Variants in ZNF679 observed in about 807,000 individuals in gnomAD.
ZNF679 encodes the protein zinc finger protein 679.
A neutral mutation model predicts 13.4 loss-of-function variants in ZNF679; 10 were observed. The ratio of observed to expected loss-of-function variants is 0.75; its 90% CI spans 0.46 to 1.27. The LOEUF is 1.27. ZNF679 is among the 50% of genes most tolerant of loss of function. ZNF679 has a pLI of 0.00. For missense variants in ZNF679, 525 were observed against 477.8 expected, an observed-to-expected ratio of 1.10 and a Z score of -0.92; for synonymous variants, 179 against 162.5, an observed-to-expected ratio of 1.10 and a Z score of -0.77.
chr7:64,265,949 T>G lies in ZNF679; in HGVS notation c.316T>G (p.Ser106Ala). ...TCCGCCAGAGCTAGGCATAAAAGAT[T>G]CACTCCAAAAAGTAATACCAAGAAG... ...DLPPELGIKD[S>A]LQKVIPRRYG... The change falls in exon 5 of 5, where the codon TCA (serine) becomes GCA (alanine). Residue 106 changes from serine to alanine, a missense_variant. Coordinates refer to ENST00000421025, the MANE Select transcript of ZNF679 (RefSeq NM_153363.3). 6.2e-7 allele frequency: 1 copy of G among 1,613,878 alleles called. No homozygotes were observed. The highest frequency in any genetic ancestry group is 8.5e-7 in the Non-Finnish European group (1 of 1,179,868).
chr7:64,251,196 A>G (rs1309460157), intron 2 of ZNF679, among the ~76,000 whole-genome samples: 1 of 152,146 alleles, frequency 6.6e-6, no homozygotes, highest in Non-Finnish European at 1.5e-5. Flanking sequence ...GCTCACAACT[A>G]TAATCCTAAC....
chr7:64,254,829 A>G (rs185964047), intron 2 of ZNF679, among the ~76,000 whole-genome samples: 74 of 152,000 alleles, frequency 4.9e-4, no homozygotes, highest in African/African-American at 1.7e-3. Flanking sequence ...GTGAAATCCC[A>G]TCTCTACCAA....
At chr7:64,246,270 G>T (rs947452352) in intron 1 of ZNF679, among the ~76,000 whole-genome samples, 2 of 152,088 alleles carry the variant, frequency 1.3e-5, no homozygotes, top group Non-Finnish European at 2.9e-5. Context: ...CTTTACCCAG[G>T]TGTGCCATCA....
chr7:64,236,918 GAAAGAAGAAAGAAAGA>G (rs1161230986), intron 1 of ZNF679, among the ~76,000 whole-genome samples: 1 of 99,204 alleles, frequency 1.0e-5, no homozygotes, highest in Non-Finnish European at 2.0e-5. Context: ...AAGAAAGAAA[GAAAGAAGAAAGAAAGA>G]AAGAAAGAAA....
At chr7:64,265,329 G>C (rs1404042739) in intron 4 of ZNF679, among the ~76,000 whole-genome samples, 3 of 152,022 alleles carry the variant, frequency 2.0e-5, no homozygotes, top group African/African-American at 7.2e-5. Flanking sequence ...TCCATTAAAA[G>C]ACTTCTCCAT....
chr7:64,262,320 A>C (rs1373239727), intron 4 of ZNF679, among the ~76,000 whole-genome samples: 1 of 152,194 alleles, frequency 6.6e-6, no homozygotes, highest in Non-Finnish European at 1.5e-5. Flanking sequence ...GATTACAGAA[A>C]TTTTGAAGTT....
intron 4 of ZNF679, among the ~76,000 whole-genome samples, chr7:64,265,432 CAA>C (rs1046162951): frequency 3.3e-5 from 5 of 152,166 alleles, no homozygotes; most frequent in African/African-American, 1.2e-4. Context: ...CCTTTGATCT[CAA>C]AAGACTTAAA....
intron 1 of ZNF679, among the ~76,000 whole-genome samples, chr7:64,238,435 T>C (rs555422800): frequency 6.6e-6 from 1 of 152,304 alleles, no homozygotes; most frequent in Non-Finnish European, 1.5e-5. Context: ...CACTCCAGGC[T>C]GGAGTGCAGT....
At chr7:64,245,763 T>G (rs1233694589) in intron 1 of ZNF679, among the ~76,000 whole-genome samples, 1 of 152,082 alleles carries the variant, frequency 6.6e-6, no homozygotes, top group Non-Finnish European at 1.5e-5. Flanking sequence ...TTCCAGTACC[T>G]CGGGAGGCCG....
rs568883962 is a variant in ZNF679 at position 64,254,055 on chromosome 7, T to C, written c.39+4899T>C. ...ATCTAAGTCATAATGGGGAGAACGT[T>C]TCTTTCTGTTAAGCTGTTGCTGAAG... On this transcript the variant is annotated intron_variant, in intron 2 of 4. Coordinates refer to ENST00000421025, the MANE Select transcript of ZNF679 (RefSeq NM_153363.3). Among the ~76,000 whole-genome samples the C allele has an allele frequency of 2.6e-5, 4 of 152,276 alleles. No homozygotes were observed. In the East Asian group the frequency reaches 5.8e-4, roughly 22 times the overall value.
At chr7:64,263,561 C>T (rs1432687142) in intron 4 of ZNF679, among the ~76,000 whole-genome samples, 1 of 152,090 alleles carries the variant, frequency 6.6e-6, no homozygotes, top group Non-Finnish European at 1.5e-5. Context: ...GTGTTTGCAT[C>T]GTGGAGACAA....
chr7:64,266,566 CACTT>C lies in ZNF679; in HGVS notation c.936_939del (p.Tyr313ThrfsTer31), dbSNP rs749915755. ...AAGCCTTTAGCTTATCCTCATCCCT[CACTT>C]ACCACAAGAGAATTCATACTGGAGA... On this transcript the variant is annotated frameshift_variant, in exon 5 of 5. Transcript: ENST00000421025. LOFTEE classifies it low-confidence loss of function (END_TRUNC). 4.4e-6 allele frequency: 7 copies of C among 1,609,082 alleles called. No individual in the cohort carries two copies. Among genetic ancestry groups the C allele is most frequent in the Middle Eastern group, 1.7e-4 (1 of 6,034 alleles).
intron 2 of ZNF679, among the ~76,000 whole-genome samples, chr7:64,249,372 C>G (rs561588019): frequency 1.4e-4 from 21 of 152,146 alleles, no homozygotes; most frequent in Non-Finnish European, 2.9e-4. Flanking sequence ...TTTGCAGTGG[C>G]TTTGCCCTGG....
intron 4 of ZNF679, among the ~76,000 whole-genome samples, chr7:64,262,678 G>A (rs978544858): frequency 5.3e-5 from 8 of 151,984 alleles, no homozygotes; most frequent in African/African-American, 1.9e-4. Context: ...GTCCTTATTT[G>A]TCTTTGTGTG....
At chr7:64,241,121 G>T (rs1437099745) in intron 1 of ZNF679, among the ~76,000 whole-genome samples, 1 of 152,168 alleles carries the variant, frequency 6.6e-6, no homozygotes, top group African/African-American at 2.4e-5. Flanking sequence ...TTCCCTGTGT[G>T]CTGGGCTCTA....
intron 4 of ZNF679, among the ~76,000 whole-genome samples, chr7:64,263,622 C>A (rs962969991): frequency 6.6e-6 from 1 of 152,020 alleles, no homozygotes; most frequent in Non-Finnish European, 1.5e-5. Context: ...TAGAGTTCTC[C>A]CTCTATTAAT....
chr7:64,265,060 T>C (rs936555710), intron 4 of ZNF679, among the ~76,000 whole-genome samples: 1 of 152,076 alleles, frequency 6.6e-6, no homozygotes, highest in African/African-American at 2.4e-5. Context: ...TTAAAATTAA[T>C]ATATGCCTCT....
rs148786982 is a variant in ZNF679 at position 64,260,192 on chromosome 7, G to GTT, written c.40-23_40-22dup. ...AGTAAGTGTTTGTGTGTTCATGAGTGTTTTTTTGTTGTTGTTATTGTTTTT... is the reference window on the plus strand; with the variant it reads ...AGTAAGTGTTTGTGTGTTCATGAGTGTTTTTTTTTGTTGTTGTTATTGTTTTT... On this transcript the variant is annotated intron_variant, in intron 2 of 4. Coordinates refer to ENST00000421025, the MANE Select transcript of ZNF679 (RefSeq NM_153363.3). 1.9e-6 allele frequency: 3 copies of GTT among 1,579,812 alleles called. No homozygotes were observed. In the African/African-American group the frequency reaches 4.1e-5, roughly 22 times the overall value.
At position 64,249,133 on chromosome 7, in the gene ZNF679, G is replaced by A. The variant is rs1787908697; in HGVS notation, c.16G>A (p.Gly6Arg). 5.0e-6 allele frequency: 8 copies of A among 1,613,982 alleles called. No homozygotes were observed. Among genetic ancestry groups the A allele is most frequent in the Non-Finnish European group, 6.8e-6 (8 of 1,180,012 alleles). ...CCGCAGATTTATGGCTAAAAGACCGGGATCCCCTGGAAGCCGAGAAATGGT... is the reference window on the plus strand; with the variant it reads ...CCGCAGATTTATGGCTAAAAGACCGAGATCCCCTGGAAGCCGAGAAATGGT... Reference protein sequence around the residue: MAKRPGSPGSREMGLL... With the variant: MAKRPRSPGSREMGLL... Residue 6 changes from glycine (G) to arginine (R), a missense_variant, in exon 2 of 5, where the codon GGA (glycine) becomes AGA (arginine). Gly to Arg is a moderately radical substitution (Grantham distance 125). Coordinates refer to ENST00000421025, the MANE Select transcript of ZNF679 (RefSeq NM_153363.3).
Sources: allele counts gnomAD v4.1 joint callset (sites outside exome capture counted in the v4.1 genomes callset), GRCh38; gene constraint gnomAD v4.1.1; transcripts MANE v1.5; gene names NCBI Gene and HGNC (gene_info 2026-07-23, HGNC 2026-07-21).